FAM199X: variants seen among roughly 807,000 people sequenced by gnomAD.
FAM199X encodes protein FAM199X.
In FAM199X, 4 loss-of-function variants were observed where a neutral mutation model predicts 22.9. That is an observed-to-expected ratio of 0.17 (90% CI 0.09 to 0.40). The LOEUF (loss-of-function observed/expected upper bound fraction) is 0.40, where lower values mean the gene tolerates loss of function less well. Among genes scored for constraint, FAM199X ranks in the 10% least tolerant of loss-of-function variants. The pLI is 1.00. For missense variants in FAM199X, 183 were observed against 306.8 expected (o/e 0.60, Z 3.01); for synonymous variants, 101 against 112.3 (o/e 0.90, Z 0.64).
At chrX:104,186,707 A>G in intron 4 of FAM199X, 86 bp downstream of exon 4, 7 of 890,733 alleles carry the variant, frequency 7.9e-6, no homozygotes, top group Non-Finnish European at 1.1e-5. Context: ...GTGTAAATAC[A>G]TAGATAATTA....
At chrX:104,173,253 A>C (rs1484065794) in intron 1 of FAM199X, among the ~76,000 whole-genome samples, 1 of 112,232 alleles carries the variant, frequency 8.9e-6, no homozygotes, top group Non-Finnish European at 1.9e-5. Flanking sequence ...TTGGTTAATT[A>C]AAAATTTTTC....
chrX:104,185,205 C>A lies in FAM199X; in HGVS notation c.418-861C>A, dbSNP rs932007317. 2.8e-5 allele frequency among the ~76,000 whole-genome samples: 3 copies of A among 109,067 alleles called. No individual in the cohort carries two copies. In the Admixed American group the frequency reaches 2.9e-4, roughly 11 times the overall value. 94.7% of individuals were successfully genotyped at this position (109,067 alleles called of 115,157 possible). A position where few individuals can be genotyped will look rare whatever the true frequency, so the allele number is the denominator to read the frequency against. On this transcript the variant is annotated intron_variant, in intron 2 of 5. Transcript: ENST00000493442. Reference sequence around the variant, plus strand: ...TACAGGCGTGAGCTACTTTGCCCGGCCTTAATTTATTTTAATTGTCTTGAG... The same window carrying A: ...TACAGGCGTGAGCTACTTTGCCCGGACTTAATTTATTTTAATTGTCTTGAG...
chrX:104,172,722 C>G (rs1161072070), intron 1 of FAM199X, among the ~76,000 whole-genome samples: 5 of 106,823 alleles, frequency 4.7e-5, no homozygotes, highest in Admixed American at 1.0e-4. Flanking sequence ...AGGAATGTCA[C>G]TATTACTCAT....
Position 104,166,864 on chromosome X carries a change from C to T in FAM199X, c.79C>T (p.Pro27Ser), listed in dbSNP as rs1556374062. The change falls in exon 1 of 6, where the codon CCT becomes TCT. Residue 27 changes from proline (P) to serine (S), a missense_variant. Transcript: ENST00000493442. Reference protein sequence around the residue: ...PEEPFPLLGPPRGVGTCPSEE... With the variant: ...PEEPFPLLGPSRGVGTCPSEE... ...GGAGCCCTTCCCACTCCTGGGACCT[C>T]CTCGCGGGGTGGGCACCTGCCCGAG... 8 of 1,205,322 alleles carry T rather than the reference C, an allele frequency of 6.6e-6. No homozygotes were observed. The highest frequency in any genetic ancestry group is 6.6e-5 in the Admixed American group (3 of 45,550).
intron 1 of FAM199X, among the ~76,000 whole-genome samples, chrX:104,172,279 C>T (rs1252017730): frequency 1.9e-5 from 2 of 104,242 alleles, no homozygotes; most frequent in African/African-American, 7.0e-5. Context: ...ATTAGCCAGG[C>T]GTGGTGGTAT....
the FAM199X span, among the ~76,000 whole-genome samples, chrX:104,158,453 T>C: frequency 1.1e-4 from 12 of 111,803 alleles, no homozygotes; most frequent in African/African-American, 3.3e-4. Context: ...CTGTAAAGCT[T>C]GGATATTAGC....
At chrX:104,189,497 G>T in intron 5 of FAM199X, 111 bp from the exon 6 acceptor site, 1 of 764,655 alleles carries the variant, frequency 1.3e-6, no homozygotes. Flanking sequence ...ACTACAGAAG[G>T]ATTTGAACAG....
At chrX:104,157,768 C>T in the FAM199X span, among the ~76,000 whole-genome samples, 1 of 111,529 alleles carries the variant, frequency 9.0e-6, no homozygotes, top group African/African-American at 3.3e-5. Context: ...GGCTGTAATA[C>T]CTGATTCTAG....
the FAM199X span, among the ~76,000 whole-genome samples, chrX:104,159,734 G>C: frequency 2.7e-5 from 3 of 111,976 alleles, no homozygotes; most frequent in Non-Finnish European, 5.6e-5. Flanking sequence ...ATTAGCTGAT[G>C]AATACAGCTG....
intron 2 of FAM199X, among the ~76,000 whole-genome samples, chrX:104,176,786 A>G (rs1422461753): frequency 9.0e-6 from 1 of 111,643 alleles, no homozygotes; most frequent in African/African-American, 3.3e-5. Context: ...ATTCTTTTCC[A>G]TAACTGGATC....
chrX:104,167,049 C>G (rs1437284640), intron 1 of FAM199X, 67 bp downstream of exon 1: 9 of 992,300 alleles, frequency 9.1e-6, no homozygotes, highest in Non-Finnish European at 1.2e-5. Context: ...CCTGATCCTT[C>G]GTCCCGGGCT....
chrX:104,189,578 A>G, intron 5 of FAM199X, 30 bp from the exon 6 acceptor site: 1 of 1,208,696 alleles, frequency 8.3e-7, no homozygotes, highest in Non-Finnish European at 1.1e-6. Flanking sequence ...AAACTAAACC[A>G]AACTGATTTA....
chrX:104,179,853 G>A (rs371583436), intron 2 of FAM199X, among the ~76,000 whole-genome samples: 2 of 110,943 alleles, frequency 1.8e-5, no homozygotes, highest in East Asian at 2.8e-4. Flanking sequence ...TAGCTTTGGT[G>A]TCCAGGTAAT....
intron 1 of FAM199X, among the ~76,000 whole-genome samples, chrX:104,170,786 A>G (rs191146116): frequency 1.2e-3 from 135 of 111,508 alleles, no homozygotes; most frequent in African/African-American, 3.3e-3. Flanking sequence ...TAAAGAGGGC[A>G]GGAAAGATGG....
intron 2 of FAM199X, among the ~76,000 whole-genome samples, chrX:104,178,603 T>G (rs182155949): frequency 6.9e-4 from 77 of 111,832 alleles, no homozygotes; most frequent in Admixed American, 1.6e-3. Context: ...ATTTTGCATG[T>G]AGGTATCCAG....
In FAM199X at chrX:104,166,516, T is replaced by C. The variant is rs1338159977; in HGVS notation, c.-270T>C. 2 of 209,813 alleles carry C rather than the reference T, an allele frequency of 9.5e-6. No individual in the cohort carries two copies. Among genetic ancestry groups the C allele is most frequent in the Admixed American group, 7.4e-5 (1 of 13,481 alleles). 17.3% of individuals were successfully genotyped at this position (209,813 alleles called of 1,213,427 possible). A position where few individuals can be genotyped will look rare whatever the true frequency, so the allele number is the denominator to read the frequency against. On this transcript the variant is annotated 5_prime_UTR_variant, in exon 1 of 6. Transcript: ENST00000493442. Reference sequence around the variant, plus strand: ...GCCGGGCCGGGCGGCGGCGCTGCGCTGACGGGCTGAGTCTGGCGGCGGCGG... The same window carrying C: ...GCCGGGCCGGGCGGCGGCGCTGCGCCGACGGGCTGAGTCTGGCGGCGGCGG...
Position 104,190,488 on chromosome X carries a change from C to G in FAM199X, c.*710C>G, listed in dbSNP as rs1167018599. ...TTTTACTTTATGTAAGTTCAGAATC[C>G]TTTTTTAAGTGATGACTACTGATGA... On this transcript the variant is annotated 3_prime_UTR_variant, in exon 6 of 6. Coordinates refer to ENST00000493442, the MANE Select transcript of FAM199X (RefSeq NM_207318.4). The G allele has an allele frequency of 9.0e-6, 1 of 111,530 alleles. No homozygotes were observed. The highest frequency in any genetic ancestry group is 3.3e-5 in the African/African-American group (1 of 30,633). 9.2% of individuals were successfully genotyped at this position (111,530 alleles called of 1,213,427 possible). A position where few individuals can be genotyped will look rare whatever the true frequency, so the allele number is the denominator to read the frequency against.
At chrX:104,173,976 G>A (rs1921424400) in intron 1 of FAM199X, among the ~76,000 whole-genome samples, 2 of 112,003 alleles carry the variant, frequency 1.8e-5, no homozygotes, top group African/African-American at 6.5e-5. Flanking sequence ...AATAAAACTT[G>A]ATATAAAAAT....
Position 104,192,827 on chromosome X carries a change from CATT to C in FAM199X, c.*3052_*3054del, listed in dbSNP as rs782070746. ...GAAACTGACCTATAAAATAATGACT[CATT>C]ATAGATTGGGTGAACTTCTCATTTT... On this transcript the variant is annotated 3_prime_UTR_variant, in exon 6 of 6. Coordinates refer to ENST00000493442, the MANE Select transcript of FAM199X (RefSeq NM_207318.4). 2.7e-5 allele frequency: 3 copies of C among 111,371 alleles called. No individual in the cohort carries two copies. The highest frequency in any genetic ancestry group is 7.4e-4 in the South Asian group (2 of 2,686). 9.2% of individuals were successfully genotyped at this position (111,371 alleles called of 1,213,427 possible).
Sources: gnomAD v4.1 joint callset for allele counts (sites outside exome capture counted in the v4.1 genomes callset) on GRCh38, gnomAD v4.1.1 for gene constraint, MANE v1.5 for transcripts, NCBI Gene and HGNC (gene_info 2026-07-23, HGNC 2026-07-21) for gene names.